NBPF3: variants seen among roughly 807,000 people sequenced by gnomAD.
NBPF3 encodes the protein NBPF member 3, also known as NBPF family member NBPF3.
Under a neutral mutation model 78.1 loss-of-function variants are expected in NBPF3, and 57 were observed. That is an observed-to-expected ratio of 0.73 (90% CI 0.59 to 0.91). The LOEUF is 0.91. Ranked by LOEUF, NBPF3 falls within the 40% of genes least tolerant of loss-of-function variation. The pLI is 0.00. For synonymous variants in NBPF3, 182 were observed against 271.7 expected (o/e 0.67, Z 3.25); for missense variants, 510 against 715.3 (o/e 0.71, Z 3.27).
chr1:21,454,290 TA>T (rs1400983899), intron 2 of NBPF3: 1 of 152,214 alleles, frequency 6.6e-6, no homozygotes, highest in Non-Finnish European at 1.5e-5. Flanking sequence ...AATAAGAGAA[TA>T]AATGCCTAGA....
At chr1:21,472,297 G>A (rs182462288) in intron 5 of NBPF3, among the ~76,000 whole-genome samples, 20 of 152,294 alleles carry the variant, frequency 1.3e-4, no homozygotes, top group Non-Finnish European at 2.6e-4. Flanking sequence ...AAAGCCCCTC[G>A]CCATGTGGTG....
Position 21,445,000 on chromosome 1 carries a change from A to C in NBPF3, c.-87A>C. The C allele has an allele frequency of 2.8e-6, 4 of 1,443,750 alleles. No individual in the cohort carries two copies. The highest frequency in any genetic ancestry group is 3.7e-6 in the Non-Finnish European group (4 of 1,069,686). The allele number at this position is 1,443,750 out of a possible 1,614,324, so 89.4% of individuals were successfully genotyped here. A position where few individuals can be genotyped will look rare whatever the true frequency, so the allele number is the denominator to read the frequency against. ...CCCAGGCGAAGGTTCCTGGTGACCC[A>C]GGCTCTCACCAGCCAATTGTCCCTT... On this transcript the variant is annotated 5_prime_UTR_variant, in exon 2 of 15. Coordinates refer to ENST00000318249, the MANE Select transcript of NBPF3 (RefSeq NM_032264.6).
intron 1 of NBPF3, among the ~76,000 whole-genome samples, chr1:21,443,875 T>C (rs1439161442): frequency 6.6e-6 from 1 of 152,160 alleles, no homozygotes; most frequent in Admixed American, 6.5e-5. Context: ...CATCCCAAAG[T>C]GTTGGGATTA....
Position 21,484,233 on chromosome 1 carries a change from C to T in NBPF3, c.*847C>T, listed in dbSNP as rs1022862923. The T allele has an allele frequency of 1.4e-5, 2 of 140,556 alleles. No homozygotes were observed. The highest frequency in any genetic ancestry group is 5.2e-5 in the African/African-American group (2 of 38,308). The allele number at this position is 140,556 out of a possible 1,614,324, so 8.7% of individuals were successfully genotyped here. On this transcript the variant is annotated 3_prime_UTR_variant, in exon 15 of 15. Transcript: ENST00000318249. ...GTCTCCTTCACACAGTCCACGTCACCACGAATCACACAACAAAAAGGAGGA... is the reference window on the plus strand; with the variant it reads ...GTCTCCTTCACACAGTCCACGTCACTACGAATCACACAACAAAAAGGAGGA...
At chr1:21,473,611 C>A in intron 7 of NBPF3, 26 bp downstream of exon 7, 1 of 1,580,306 alleles carries the variant, frequency 6.3e-7, no homozygotes. Flanking sequence ...CTGTGTCTCA[C>A]ACCTTTTCCT....
At chr1:21,457,297 A>G (rs1641659466) in intron 2 of NBPF3, among the ~76,000 whole-genome samples, 1 of 150,900 alleles carries the variant, frequency 6.6e-6, no homozygotes, top group African/African-American at 2.4e-5. Flanking sequence ...AAACCACAAT[A>G]TAGGAGATAT....
chr1:21,478,069 A>G (rs1346809146), intron 8 of NBPF3, 75 bp from the exon 9 acceptor site: 1 of 1,611,806 alleles, frequency 6.2e-7, no homozygotes, highest in Admixed American at 1.7e-5. Flanking sequence ...CTCCCATCAG[A>G]TCATCTGGAA....
intron 2 of NBPF3, among the ~76,000 whole-genome samples, chr1:21,448,033 C>G (rs183957142): frequency 6.6e-6 from 1 of 152,140 alleles, no homozygotes. Flanking sequence ...TTTTGGACAG[C>G]AGTTTTTCCA....
chr1:21,461,642 CA>C, intron 2 of NBPF3, among the ~76,000 whole-genome samples: 1 of 152,078 alleles, frequency 6.6e-6, no homozygotes, highest in South Asian at 2.1e-4. Flanking sequence ...TTTGTATTTT[CA>C]GTAGAGGCAG....
intron 2 of NBPF3, among the ~76,000 whole-genome samples, chr1:21,465,374 T>C (rs1642203605): frequency 6.6e-6 from 1 of 152,266 alleles, no homozygotes. Context: ...TGAATCAGAA[T>C]CCCTGCAAGG....
At chr1:21,447,039 C>A (rs6677704) in intron 2 of NBPF3, among the ~76,000 whole-genome samples, 143,016 of 152,306 alleles carry the variant, frequency 0.94, 67,822 homozygotes, top group East Asian at 1. Flanking sequence ...TACTAACCAC[C>A]CAGTTACAGG....
chr1:21,471,908 C>A (rs1418808300), intron 5 of NBPF3, 125 bp downstream of exon 5: 1 of 1,289,092 alleles, frequency 7.8e-7, no homozygotes, highest in Non-Finnish European at 1.1e-6. Context: ...GTGGCCGTGA[C>A]ATAAGTGACA....
Position 21,440,188 on chromosome 1 carries a change from A to T in NBPF3, c.-300A>T, listed in dbSNP as rs979244400. ...AGACAGCGGCGGTACTGGGATGGGT[A>T]GGTGAGGATCCCGAGACTGAGTGAG... On this transcript the variant is annotated 5_prime_UTR_variant, in exon 1 of 15. Transcript: ENST00000318249. 1.3e-5 allele frequency: 2 copies of T among 151,538 alleles called. No homozygotes were observed. 9.4% of individuals were successfully genotyped at this position (151,538 alleles called of 1,614,324 possible).
chr1:21,471,331 A>G (rs2147989646), intron 4 of NBPF3, among the ~76,000 whole-genome samples: 1 of 152,296 alleles, frequency 6.6e-6, no homozygotes, highest in Non-Finnish European at 1.5e-5. Flanking sequence ...TTGTTGACAG[A>G]AGAGAAAGAT....
At chr1:21,461,534 C>T (rs371092266) in intron 2 of NBPF3, among the ~76,000 whole-genome samples, 14 of 152,234 alleles carry the variant, frequency 9.2e-5, no homozygotes, top group South Asian at 6.2e-4. Context: ...TGCAGTGGCA[C>T]GATCTCGGCT....
chr1:21,448,171 T>G (rs142302305), intron 2 of NBPF3, among the ~76,000 whole-genome samples: 2,130 of 152,218 alleles, frequency 0.014, 56 homozygotes, highest in African/African-American at 0.047. Context: ...CATTAGTAGA[T>G]TGTGCTTTTG....
Position 21,473,530 on chromosome 1 carries a change from T to C in NBPF3, c.885T>C (p.Thr295=). 6.2e-7 allele frequency: 1 copy of C among 1,614,214 alleles called. No individual in the cohort carries two copies. The highest frequency in any genetic ancestry group is 1.1e-5 in the South Asian group (1 of 91,088). ...TTGAGGAAGACCAAGTCGACTCAAC[T>C]CTCATTGACTCATCCTCTCATGATG... ...ITFEEDQVDS[T]LIDSSSHDEW... The change falls in exon 7 of 15, where the codon ACT becomes ACC. Residue 295 remains threonine (T), a synonymous_variant. Transcript: ENST00000318249.
chr1:21,448,444 G>A (rs1641114871), intron 2 of NBPF3, among the ~76,000 whole-genome samples: 1 of 151,994 alleles, frequency 6.6e-6, no homozygotes, highest in African/African-American at 2.4e-5. Context: ...TGGACTGTCT[G>A]TAGGCCTGTT....
At chr1:21,449,517 G>T (rs1325202394) in intron 2 of NBPF3, among the ~76,000 whole-genome samples, 2 of 151,328 alleles carry the variant, frequency 1.3e-5, no homozygotes, top group Non-Finnish European at 2.9e-5. Flanking sequence ...TGTTCCTCAG[G>T]CTGGAATGTA....
Sources: allele counts gnomAD v4.1 joint callset (sites outside exome capture counted in the v4.1 genomes callset), GRCh38; gene constraint gnomAD v4.1.1; transcripts MANE v1.5; gene names NCBI Gene and HGNC (gene_info 2026-07-23, HGNC 2026-07-21).